The following PCDHA1 variants were observed in gnomAD, a reference collection of about 807,000 sequenced individuals.
PCDHA1 encodes the protein protocadherin alpha 1, also known as protocadherin alpha-1.
A neutral mutation model predicts 61.3 loss-of-function variants in PCDHA1; 42 were observed. That is an observed-to-expected ratio of 0.69 (90% CI 0.54 to 0.89). PCDHA1 has a LOEUF of 0.89. Ranked by LOEUF, PCDHA1 falls within the 40% of genes least tolerant of loss-of-function variation. The probability of loss-of-function intolerance (pLI) is 0.00; values close to 1 mark genes in which losing one functional copy is unlikely to be tolerated. For synonymous variants in PCDHA1, 610 were observed against 553.8 expected (o/e 1.10, Z -1.43); for missense variants, 1,256 against 1,235.3 (o/e 1.02, Z -0.25).
At chr5:140,984,751 T>A (rs2097118127) in intron 3 of PCDHA1, among the ~76,000 whole-genome samples, 1 of 152,158 alleles carries the variant, frequency 6.6e-6, no homozygotes. Context: ...CAGATTTGAG[T>A]TGAATTCTAA....
chr5:140,822,251 T>C, intron 1 of PCDHA1: 1 of 1,614,236 alleles, frequency 6.2e-7, no homozygotes, highest in Non-Finnish European at 8.5e-7. Flanking sequence ...GCGTCGGATT[T>C]GGATATTGGA....
At chr5:140,824,610 G>GTTTTTTTTTGT (rs1768200307) in intron 1 of PCDHA1, 1 of 95,104 alleles carries the variant, frequency 1.1e-5, no homozygotes, top group Non-Finnish European at 1.9e-5. Context: ...GCTAATTAAA[G>GTTTTTTTTTGT]TTTTTTTTTT....
intron 1 of PCDHA1, chr5:140,841,535 C>CG: frequency 6.2e-7 from 1 of 1,613,664 alleles, no homozygotes; most frequent in Non-Finnish European, 8.5e-7. Context: ...CAAAAGACAC[C>CG]GGGACCTTCT....
chr5:141,009,809 G>T lies in PCDHA1; in HGVS notation c.2725G>T (p.Asp909Tyr), dbSNP rs782057926. The T allele has an allele frequency of 6.2e-7, 1 of 1,613,834 alleles. No homozygotes were observed. Among genetic ancestry groups the T allele is most frequent in the Non-Finnish European group, 8.5e-7 (1 of 1,180,010 alleles). ...GCAGGAGCCTACTAACAGCCAAATT[G>T]ACAAAAGTGACTTCATAACCTTCGG... ...IRQEPTNSQI[D>Y]KSDFITFGKK... The change falls in exon 4 of 4, where the codon GAC becomes TAC. Residue 909 changes from aspartate to tyrosine, a missense_variant. Physicochemically the swap from Asp to Tyr is radical, Grantham distance 160 (BLOSUM62 -3). Coordinates refer to ENST00000504120, the MANE Select transcript of PCDHA1 (RefSeq NM_018900.4).
rs782724131 is a variant in PCDHA1 at position 140,802,165 on chromosome 5, C to T, written c.2394+13481C>T. Reference sequence around the variant, plus strand: ...TCATATGAAATCCAGGTAGAAGCCACGGATAAAGGAAATCCCCCAATGTCA... The same window carrying T: ...TCATATGAAATCCAGGTAGAAGCCATGGATAAAGGAAATCCCCCAATGTCA... On this transcript the variant is annotated intron_variant, in intron 1 of 3. Transcript: ENST00000504120. 5 of 1,614,080 alleles carry T rather than the reference C, an allele frequency of 3.1e-6. No individual in the cohort carries two copies. The highest frequency in any genetic ancestry group is 2.2e-5 in the East Asian group (1 of 44,896).
chr5:140,870,090 G>A, intron 1 of PCDHA1: 3 of 1,613,854 alleles, frequency 1.9e-6, no homozygotes, highest in South Asian at 2.2e-5. Flanking sequence ...CTCCCCCAAT[G>A]GCAGGTCACT....
chr5:140,876,870 G>A (rs1278762768), intron 1 of PCDHA1: 2 of 1,614,000 alleles, frequency 1.2e-6, no homozygotes, highest in Non-Finnish European at 1.7e-6. Flanking sequence ...TCGTGAAGGA[G>A]AACAACCCGC....
intron 1 of PCDHA1, chr5:140,857,244 CCTA>C (rs782212916): frequency 6.3e-7 from 1 of 1,598,476 alleles, no homozygotes; most frequent in East Asian, 2.2e-5. Flanking sequence ...CTGGTGTCCA[CCTA>C]CAAGAATTAC....
intron 1 of PCDHA1, chr5:140,868,024 G>A (rs550037758): frequency 2.0e-5 from 3 of 152,200 alleles, no homozygotes; most frequent in South Asian, 4.1e-4. Context: ...GGAAACCAAT[G>A]TTGGTGACTT....
At position 140,803,862 on chromosome 5, in the gene PCDHA1, A is replaced by C. The variant is rs1182674761; in HGVS notation, c.2394+15178A>C. On this transcript the variant is annotated intron_variant, in intron 1 of 3. Coordinates refer to ENST00000504120, the MANE Select transcript of PCDHA1 (RefSeq NM_018900.4). ...ATTTTATTGCTAAATGCCTGGGTAT[A>C]AGACAAATATTTTTTCTTAGATGAA... 1.9e-5 allele frequency: 11 copies of C among 575,084 alleles called. No individual in the cohort carries two copies. The Admixed American group carries it at 3.1e-4, about 16-fold the overall frequency. The allele number at this position is 575,084 out of a possible 1,614,324, so 35.6% of individuals were successfully genotyped here.
intron 3 of PCDHA1, among the ~76,000 whole-genome samples, chr5:140,996,093 A>G (rs2097711389): frequency 6.6e-6 from 1 of 152,210 alleles, no homozygotes; most frequent in South Asian, 2.1e-4. Flanking sequence ...GCTAGATTAC[A>G]TGGAATGGTA....
intron 1 of PCDHA1, chr5:140,802,669 C>T (rs782733330): frequency 2.0e-5 from 33 of 1,613,332 alleles, no homozygotes; most frequent in Non-Finnish European, 2.6e-5. Flanking sequence ...GCCCTGGTGT[C>T]CTACTCGCTG....
intron 1 of PCDHA1, among the ~76,000 whole-genome samples, chr5:140,975,516 G>A (rs1310855349): frequency 6.6e-6 from 1 of 152,284 alleles, no homozygotes; most frequent in South Asian, 2.1e-4. Flanking sequence ...TGCAAAATCT[G>A]CAGTGGATAT....
intron 1 of PCDHA1, among the ~76,000 whole-genome samples, chr5:140,794,100 A>G (rs1480564783): frequency 2.0e-5 from 3 of 152,248 alleles, no homozygotes; most frequent in Non-Finnish European, 4.4e-5. Flanking sequence ...AACAGTCAAG[A>G]AATGGAAGCA....
At chr5:140,889,263 GTA>G (rs1262739748) in intron 1 of PCDHA1, among the ~76,000 whole-genome samples, 1 of 151,748 alleles carries the variant, frequency 6.6e-6, no homozygotes, top group Admixed American at 6.6e-5. Flanking sequence ...GTAAAAGTTT[GTA>G]TAATCTTTGA....
At chr5:140,919,124 A>G (rs1195742790) in intron 1 of PCDHA1, among the ~76,000 whole-genome samples, 1 of 151,996 alleles carries the variant, frequency 6.6e-6, no homozygotes, top group Non-Finnish European at 1.5e-5. Flanking sequence ...TTTTTGCTTC[A>G]TGTGTTTTGG....
At chr5:140,957,269 T>TC (rs2095346885) in intron 1 of PCDHA1, among the ~76,000 whole-genome samples, 1 of 152,070 alleles carries the variant, frequency 6.6e-6, no homozygotes, top group African/African-American at 2.4e-5. Context: ...TAAGCACTAG[T>TC]CCCCCCTTAC....
At chr5:140,925,969 A>C (rs2082842050) in intron 1 of PCDHA1, among the ~76,000 whole-genome samples, 1 of 152,172 alleles carries the variant, frequency 6.6e-6, no homozygotes, top group African/African-American at 2.4e-5. Context: ...TCACGCAAAA[A>C]AAAAGCCTTG....
chr5:140,997,071 A>G lies in PCDHA1; in HGVS notation c.2543-12556A>G, dbSNP rs554920320. Among the ~76,000 whole-genome samples, 444 of 152,266 alleles carry G rather than the reference A, an allele frequency of 2.9e-3. 5 individuals carry two copies. Among genetic ancestry groups the G allele is most frequent in the Non-Finnish European group, 4.4e-3 (297 of 68,014 alleles). Reference sequence around the variant, plus strand: ...TTTAGAGCAGTTTTAGGTTCACAGGAAAGTTGAGTAGAAAGTGCAGAGTTC... The same window carrying G: ...TTTAGAGCAGTTTTAGGTTCACAGGGAAGTTGAGTAGAAAGTGCAGAGTTC... On this transcript the variant is annotated intron_variant, in intron 3 of 3. Coordinates refer to ENST00000504120, the MANE Select transcript of PCDHA1 (RefSeq NM_018900.4).
Sources: allele counts gnomAD v4.1 joint callset (sites outside exome capture counted in the v4.1 genomes callset), GRCh38; gene constraint gnomAD v4.1.1; transcripts MANE v1.5; gene names NCBI Gene and HGNC (gene_info 2026-07-23, HGNC 2026-07-21).